The following CNTN4 variants were observed in gnomAD, a reference collection of about 807,000 sequenced individuals.
CNTN4 encodes contactin 4, also known as contactin-4.
CNTN4 carries 77 observed loss-of-function variants against 122.5 expected under a neutral mutation model. The ratio of observed to expected loss-of-function variants is 0.63; its 90% CI spans 0.52 to 0.76. The LOEUF is 0.76. Ranked by LOEUF, CNTN4 falls within the 30% of genes least tolerant of loss-of-function variation. CNTN4 has a pLI of 0.00. For missense variants in CNTN4, 1,256 were observed against 1,259.1 expected (o/e 1.00, Z 0.04); for synonymous variants, 512 against 447.0 (o/e 1.15, Z -1.83).
At chr3:2,623,230 A>AT (rs1399474401) in intron 4 of CNTN4, among the ~76,000 whole-genome samples, 4 of 109,058 alleles carry the variant, frequency 3.7e-5, no homozygotes, top group African/African-American at 1.8e-4. Context: ...TATGGAGACT[A>AT]ATTTTTTTTT....
intron 1 of CNTN4, 73 bp downstream of exon 1, chr3:2,099,051 T>G (rs1191626130): frequency 2.6e-5 from 4 of 151,658 alleles, no homozygotes; most frequent in African/African-American, 9.7e-5. Context: ...CGGTCGCGGG[T>G]GTGGGGGGGA....
chr3:2,615,285 A>G (rs1265480824), intron 4 of CNTN4, among the ~76,000 whole-genome samples: 1 of 152,200 alleles, frequency 6.6e-6, no homozygotes, highest in East Asian at 1.9e-4. Context: ...GAGAAAAGCA[A>G]CTAATTAACA....
At chr3:2,869,616 C>CT (rs1272025068) in intron 8 of CNTN4, among the ~76,000 whole-genome samples, 1 of 152,092 alleles carries the variant, frequency 6.6e-6, no homozygotes, top group Non-Finnish European at 1.5e-5. Context: ...TTGTTTTGTG[C>CT]TTTTTTGGCC....
intron 4 of CNTN4, among the ~76,000 whole-genome samples, chr3:2,576,998 A>G (rs183248822): frequency 6.6e-6 from 1 of 152,324 alleles, no homozygotes; most frequent in East Asian, 1.9e-4. Flanking sequence ...CTAAGAGGGC[A>G]TGAGAATCAG....
chr3:2,823,327 A>G (rs1030920511), intron 7 of CNTN4, among the ~76,000 whole-genome samples: 2 of 152,210 alleles, frequency 1.3e-5, no homozygotes, highest in African/African-American at 4.8e-5. Context: ...GGGATGCTGC[A>G]TGTCCTATTT....
chr3:3,013,597 C>T (rs1559789196), intron 14 of CNTN4, among the ~76,000 whole-genome samples: 1 of 151,952 alleles, frequency 6.6e-6, no homozygotes, highest in Non-Finnish European at 1.5e-5. Context: ...TGAAAAGTGC[C>T]CTCCGGGATT....
intron 4 of CNTN4, among the ~76,000 whole-genome samples, chr3:2,706,757 C>G (rs759066953): frequency 2.0e-5 from 3 of 152,068 alleles, no homozygotes; most frequent in African/African-American, 7.2e-5. Context: ...TAACAAATTG[C>G]TAGGGTAAGA....
intron 3 of CNTN4, among the ~76,000 whole-genome samples, chr3:2,481,348 C>T (rs960445319): frequency 1.3e-5 from 2 of 151,958 alleles, no homozygotes; most frequent in Non-Finnish European, 2.9e-5. Flanking sequence ...ACCATGTTTG[C>T]CAGACTGATC....
intron 6 of CNTN4, among the ~76,000 whole-genome samples, chr3:2,800,705 A>AT (rs2092326976): frequency 6.6e-6 from 1 of 152,220 alleles, no homozygotes; most frequent in Admixed American, 6.5e-5. Context: ...TAAAGATCTT[A>AT]TAGAGGTCCC....
chr3:2,974,260 G>C (rs1246655566), intron 13 of CNTN4, among the ~76,000 whole-genome samples: 2 of 152,082 alleles, frequency 1.3e-5, no homozygotes, highest in South Asian at 2.1e-4. Flanking sequence ...TGGTTTCCAT[G>C]TATCATAGCA....
chr3:2,672,066 C>A (rs2150384562), intron 4 of CNTN4, among the ~76,000 whole-genome samples: 1 of 152,314 alleles, frequency 6.6e-6, no homozygotes, highest in Non-Finnish European at 1.5e-5. Flanking sequence ...GGGTCAGGGA[C>A]CCACTTGAGG....
At chr3:2,680,071 G>C (rs2085083444) in intron 4 of CNTN4, among the ~76,000 whole-genome samples, 1 of 152,162 alleles carries the variant, frequency 6.6e-6, no homozygotes, top group African/African-American at 2.4e-5. Context: ...TGTATTATTA[G>C]GTTCTGGGAG....
chr3:2,670,333 T>C (rs889217043), intron 4 of CNTN4, among the ~76,000 whole-genome samples: 1 of 152,214 alleles, frequency 6.6e-6, no homozygotes, highest in African/African-American at 2.4e-5. Flanking sequence ...ATTGATCCCT[T>C]TACCATTATG....
At chr3:2,341,331 C>G (rs1344324055) in intron 3 of CNTN4, among the ~76,000 whole-genome samples, 1 of 152,170 alleles carries the variant, frequency 6.6e-6, no homozygotes, top group African/African-American at 2.4e-5. Flanking sequence ...CTTGTAATTG[C>G]TAGCTTAATT....
At chr3:2,921,646 G>C (rs937771734) in intron 12 of CNTN4, among the ~76,000 whole-genome samples, 1 of 152,156 alleles carries the variant, frequency 6.6e-6, no homozygotes, top group African/African-American at 2.4e-5. Context: ...AGTGTTCCCA[G>C]TGATGCTTCT....
chr3:2,416,946 G>A (rs966864679), intron 3 of CNTN4, among the ~76,000 whole-genome samples: 2 of 152,114 alleles, frequency 1.3e-5, no homozygotes, highest in Non-Finnish European at 2.9e-5. Flanking sequence ...GAGCCACCGC[G>A]CCCGGCCCAG....
intron 7 of CNTN4, among the ~76,000 whole-genome samples, chr3:2,848,831 G>A (rs1283996186): frequency 6.6e-6 from 1 of 152,256 alleles, no homozygotes; most frequent in African/African-American, 2.4e-5. Context: ...TGGAGGATAT[G>A]AGGGTGGTGC....
intron 2 of CNTN4, among the ~76,000 whole-genome samples, chr3:2,108,765 A>C (rs1368803956): frequency 6.6e-6 from 1 of 152,222 alleles, no homozygotes; most frequent in Admixed American, 6.5e-5. Context: ...TGATGGACAC[A>C]TCTATAACAT....
At chr3:2,930,693 C>T (rs1025172990) in intron 13 of CNTN4, among the ~76,000 whole-genome samples, 2 of 152,142 alleles carry the variant, frequency 1.3e-5, no homozygotes, top group Admixed American at 6.5e-5. Flanking sequence ...ATGTCGCAGG[C>T]TTGGGTTTAG....
Sources: gnomAD v4.1 joint callset for allele counts (sites outside exome capture counted in the v4.1 genomes callset) on GRCh38, gnomAD v4.1.1 for gene constraint, MANE v1.5 for transcripts, NCBI Gene and HGNC (gene_info 2026-07-23, HGNC 2026-07-21) for gene names.